NRP1: variants seen among roughly 807,000 people sequenced by gnomAD.
The protein encoded by NRP1 is neuropilin-1.
NRP1 carries 35 observed loss-of-function variants against 106.7 expected under a neutral mutation model. The ratio of observed to expected loss-of-function variants is 0.33; its 90% confidence interval spans 0.25 to 0.43. The LOEUF (loss-of-function observed/expected upper bound fraction) is 0.43. Among genes scored for constraint, NRP1 ranks in the 20% least tolerant of loss-of-function variants. The probability of loss-of-function intolerance (pLI) is 1.00; values close to 1 mark genes in which losing one functional copy is unlikely to be tolerated. For missense variants in NRP1, 1,024 were observed against 1,170.4 expected (o/e 0.87, Z 1.83); for synonymous variants, 437 against 417.9 (o/e 1.05, Z -0.56).
intron 6 of NRP1, among the ~76,000 whole-genome samples, chr10:33,233,506 C>G (rs1377928376): frequency 2.6e-5 from 4 of 152,212 alleles, no homozygotes; most frequent in Admixed American, 6.5e-5. Flanking sequence ...CAGCACGCAG[C>G]CTTCCAGCCA....
intron 5 of NRP1, among the ~76,000 whole-genome samples, chr10:33,255,370 C>T (rs1842127340): frequency 6.6e-6 from 1 of 152,192 alleles, no homozygotes; most frequent in Non-Finnish European, 1.5e-5. Flanking sequence ...GAATACCTCT[C>T]CAAACACCCC....
chr10:33,266,761 C>T (rs192970045), intron 3 of NRP1, among the ~76,000 whole-genome samples: 2 of 152,284 alleles, frequency 1.3e-5, no homozygotes, highest in Admixed American at 1.3e-4. Flanking sequence ...TAGTTTAGCA[C>T]TATCCCCTCT....
chr10:33,301,296 G>A (rs796368057), intron 2 of NRP1, among the ~76,000 whole-genome samples: 1 of 152,098 alleles, frequency 6.6e-6, no homozygotes, highest in Non-Finnish European at 1.5e-5. Context: ...AAGTTAGGGA[G>A]GTAGGTGGAA....
In NRP1 at chr10:33,325,746, A is replaced by G. The variant is rs368394736; in HGVS notation, c.248+4962T>C. 2.6e-5 allele frequency among the ~76,000 whole-genome samples: 4 copies of G among 152,226 alleles called. No individual in the cohort carries two copies. In the East Asian group the frequency reaches 5.8e-4, roughly 22 times the overall value. ...ATCTCTATTTGCTTATAATTTCACTATGATTAAACTTCTTACGAAGTTACA... is the reference window on the plus strand; with the variant it reads ...ATCTCTATTTGCTTATAATTTCACTGTGATTAAACTTCTTACGAAGTTACA... On this transcript the variant is annotated intron_variant, in intron 2 of 16. Coordinates refer to ENST00000374867, the MANE Select transcript of NRP1 (RefSeq NM_003873.7).
At chr10:33,183,704 TAATA>T (rs905094915) in intron 15 of NRP1, among the ~76,000 whole-genome samples, 1 of 152,248 alleles carries the variant, frequency 6.6e-6, no homozygotes, top group Non-Finnish European at 1.5e-5. Flanking sequence ...ATAGGTGCTT[TAATA>T]GATATTTGTT....
At chr10:33,229,513 A>AG (rs1839937823) in intron 6 of NRP1, among the ~76,000 whole-genome samples, 1 of 152,224 alleles carries the variant, frequency 6.6e-6, no homozygotes, top group African/African-American at 2.4e-5. Context: ...TCAAACTTAC[A>AG]GATGGCTCTT....
At chr10:33,199,389 AT>A (rs1160327036) in intron 11 of NRP1, among the ~76,000 whole-genome samples, 74 of 36,748 alleles carry the variant, frequency 2.0e-3, no homozygotes, top group African/African-American at 2.3e-3. Flanking sequence ...ATATATATAT[AT>A]TTTTTTTTTT....
intron 2 of NRP1, among the ~76,000 whole-genome samples, chr10:33,320,904 T>C (rs1475087051): frequency 1.3e-5 from 2 of 152,198 alleles, no homozygotes; most frequent in Admixed American, 6.5e-5. Flanking sequence ...AATAGAGTGC[T>C]GCAGTCAGAC....
intron 6 of NRP1, among the ~76,000 whole-genome samples, chr10:33,250,665 A>C (rs930941759): frequency 2.6e-5 from 4 of 152,234 alleles, no homozygotes; most frequent in African/African-American, 9.6e-5. Flanking sequence ...CCTGGTCACT[A>C]ACTGTGACCT....
At chr10:33,279,965 A>G (rs139615599) in intron 2 of NRP1, among the ~76,000 whole-genome samples, 1 of 152,198 alleles carries the variant, frequency 6.6e-6, no homozygotes, top group South Asian at 2.1e-4. Context: ...AAAGCAGGAT[A>G]ATGGATTGAG....
chr10:33,232,840 G>A (rs141418090), intron 6 of NRP1, among the ~76,000 whole-genome samples: 3,461 of 151,590 alleles, frequency 0.023, 121 homozygotes, highest in African/African-American at 0.079. Flanking sequence ...TAGAGATGGG[G>A]TTTCACCATG....
chr10:33,261,764 C>A (rs539568537), intron 4 of NRP1, among the ~76,000 whole-genome samples: 2 of 152,210 alleles, frequency 1.3e-5, no homozygotes, highest in African/African-American at 2.4e-5. Context: ...AAAACAGATT[C>A]TTGCTCTGTT....
At chr10:33,225,069 C>T (rs1839554962) in intron 7 of NRP1, among the ~76,000 whole-genome samples, 1 of 152,042 alleles carries the variant, frequency 6.6e-6, no homozygotes, top group Non-Finnish European at 1.5e-5. Flanking sequence ...GTTCTTGTAC[C>T]CCAGACAAAC....
At chr10:33,217,286 A>G (rs1564392215) in intron 8 of NRP1, among the ~76,000 whole-genome samples, 1 of 152,052 alleles carries the variant, frequency 6.6e-6, no homozygotes, top group Non-Finnish European at 1.5e-5. Flanking sequence ...CAGTTTCTGT[A>G]TTCATAGACT....
In NRP1 at chr10:33,299,515, A is replaced by G. The variant is rs534746280; in HGVS notation, c.249-28659T>C. Among the ~76,000 whole-genome samples the G allele has an allele frequency of 4.7e-4, 71 of 152,284 alleles. No individual in the cohort carries two copies. In the South Asian group the frequency reaches 0.014, roughly 31 times the overall value. On this transcript the variant is annotated intron_variant, in intron 2 of 16. Coordinates refer to ENST00000374867, the MANE Select transcript of NRP1 (RefSeq NM_003873.7). Reference sequence around the variant, plus strand: ...TACAGGTGACAGGGCGTGGTGGCTCACACCTGTAATGCCAGCACTTTGAGA... The same window carrying G: ...TACAGGTGACAGGGCGTGGTGGCTCGCACCTGTAATGCCAGCACTTTGAGA...
At chr10:33,192,871 C>T (rs1836510335) in intron 12 of NRP1, among the ~76,000 whole-genome samples, 1 of 152,138 alleles carries the variant, frequency 6.6e-6, no homozygotes, top group African/African-American at 2.4e-5. Flanking sequence ...AGTAACTTGG[C>T]GAAATGCCTC....
At chr10:33,268,391 C>T (rs1843069853) in intron 3 of NRP1, among the ~76,000 whole-genome samples, 1 of 152,094 alleles carries the variant, frequency 6.6e-6, no homozygotes, top group Non-Finnish European at 1.5e-5. Context: ...AGCTGAGAGT[C>T]TTTGAGACCT....
chr10:33,180,302 T>C lies in NRP1; in HGVS notation c.2546A>G (p.Asn849Ser). The C allele has an allele frequency of 8.7e-6, 14 of 1,609,112 alleles. No individual in the cohort carries two copies. The highest frequency in any genetic ancestry group is 1.2e-5 in the Non-Finnish European group (14 of 1,175,954). Residue 849 changes from asparagine to serine, a missense_variant, in exon 17 of 17, where the codon AAT (asparagine) becomes AGT (serine). Asn to Ser is a conservative substitution (Grantham distance 46). This residue lies in a region of NRP1 where 164 missense variants were observed against 161.4 expected (regional missense o/e 1.02). Coordinates refer to ENST00000374867, the MANE Select transcript of NRP1 (RefSeq NM_003873.7). ...GATGGGGTCTAAGGTCTTCAACACATTGCCTGGCTTCCTGGAGATGTTCTT... is the reference window on the plus strand; with the variant it reads ...GATGGGGTCTAAGGTCTTCAACACACTGCCTGGCTTCCTGGAGATGTTCTT... Reference protein sequence around the residue: ...GDKNISRKPGNVLKTLDPILI... With the variant: ...GDKNISRKPGSVLKTLDPILI...
chr10:33,279,509 T>C (rs1266383499), intron 2 of NRP1, among the ~76,000 whole-genome samples: 3 of 152,150 alleles, frequency 2.0e-5, no homozygotes, highest in African/African-American at 7.2e-5. Context: ...TCCACAGGCT[T>C]CTGGAAAAGC....
Sources: allele counts gnomAD v4.1 joint callset (sites outside exome capture counted in the v4.1 genomes callset), GRCh38; gene constraint gnomAD v4.1.1; regional missense constraint gnomAD v4.1.1; transcripts MANE v1.5; gene names NCBI Gene and HGNC (gene_info 2026-07-23, HGNC 2026-07-21).